Variants in HAP1 observed in about 807,000 individuals in gnomAD.
The protein encoded by HAP1 is huntingtin associated protein 1.
HAP1 carries 59 observed loss-of-function variants against 60.3 expected under a neutral mutation model. The ratio of observed to expected loss-of-function variants is 0.98; its 90% CI spans 0.79 to 1.22. The LOEUF (loss-of-function observed/expected upper bound fraction) is 1.22, where lower values mean the gene tolerates loss of function less well. Among genes scored for constraint, HAP1 ranks in the 50% most tolerant of loss-of-function variants. The pLI is 0.00. For missense variants in HAP1, 825 were observed against 785.3 expected (o/e 1.05, Z -0.60); for synonymous variants, 346 against 330.6 (o/e 1.05, Z -0.50).
At position 41,731,522 on chromosome 17, in the gene HAP1, A is replaced by G; in HGVS notation, c.1040T>C (p.Met347Thr). The G allele has an allele frequency of 6.2e-7, 1 of 1,613,100 alleles. No homozygotes were observed. The highest frequency in any genetic ancestry group is 1.1e-5 in the South Asian group (1 of 91,066). The change falls in exon 6 of 11, where the codon ATG becomes ACG. Residue 347 changes from methionine to threonine, a missense_variant. By Grantham distance (81) the Met-to-Thr change is moderately conservative. Coordinates refer to ENST00000347901, the MANE Select transcript of HAP1 (RefSeq NM_177977.3). The stretch of plus-strand genomic sequence containing the variant: ...CTGCTCCACACACTCCAGAATGAGC[A>G]TCTGTTCCTCATCCTCAAGAGTGTC... ...QLDTLEDEEQ[M>T]LILECVEQFS...
intron 2 of HAP1, 71 bp downstream of exon 2, chr17:41,732,648 A>T (rs1555591413): frequency 7.5e-7 from 1 of 1,324,572 alleles, no homozygotes; most frequent in East Asian, 2.3e-5. Flanking sequence ...ATCAGGAAAT[A>T]AACAAGACCC....
chr17:41,724,592 G>T lies in HAP1; in HGVS notation c.*109C>A. Reference sequence around the variant, plus strand: ...TGACACTACGGTTCCCACTGAAGGGGATCAGAGGTGTCTATGCAAATGATA... The same window carrying T: ...TGACACTACGGTTCCCACTGAAGGGTATCAGAGGTGTCTATGCAAATGATA... On this transcript the variant is annotated 3_prime_UTR_variant, in exon 11 of 11. Coordinates refer to ENST00000347901, the MANE Select transcript of HAP1 (RefSeq NM_177977.3). 2.6e-6 allele frequency: 2 copies of T among 767,796 alleles called. No homozygotes were observed. The highest frequency in any genetic ancestry group is 2.2e-6 in the Non-Finnish European group (1 of 458,782). The allele number at this position is 767,796 out of a possible 1,614,324, so 47.6% of individuals were successfully genotyped here.
chr17:41,717,769 C>T (rs1911036938), downstream of HAP1: 1 of 277,636 alleles, frequency 3.6e-6, no homozygotes, highest in African/African-American at 2.2e-5. Context: ...TTGTCTGCCT[C>T]TCGGGCAAAA....
chr17:41,725,955 G>T, intron 9 of HAP1, 58 bp from the exon 10 acceptor site: 2 of 1,301,768 alleles, frequency 1.5e-6, no homozygotes, highest in Non-Finnish European at 2.2e-6. Context: ...TGCAGTCCCT[G>T]GGGCTTGGTC....
At chr17:41,728,741 C>G (rs1911885845) in intron 6 of HAP1, among the ~76,000 whole-genome samples, 1 of 152,124 alleles carries the variant, frequency 6.6e-6, no homozygotes. Flanking sequence ...GAAGCTCACC[C>G]AGGCAAAGAA....
At position 41,728,329 on chromosome 17, in the gene HAP1, C is replaced by T. The variant is rs1555589586; in HGVS notation, c.1072G>A (p.Glu358Lys). Reference sequence around the variant, plus strand: ...AGCTCAGCCATCTGTTGGCTGGCCTCCGCTGGGGAGGGCAGAGGACAGGTC... The same window carrying T: ...AGCTCAGCCATCTGTTGGCTGGCCTTCGCTGGGGAGGGCAGAGGACAGGTC... Reference protein sequence around the residue: ...LILECVEQFSEASQQMAELSE... With the variant: ...LILECVEQFSKASQQMAELSE... The change falls in exon 7 of 11, where the codon GAG becomes AAG. Residue 358 changes from glutamate to lysine, a missense_variant and splice_region_variant. Physicochemically the swap from Glu to Lys is moderately conservative, Grantham distance 56 (BLOSUM62 1). Coordinates refer to ENST00000347901, the MANE Select transcript of HAP1 (RefSeq NM_177977.3). The T allele has an allele frequency of 5.6e-6, 9 of 1,613,286 alleles. No homozygotes were observed. Among genetic ancestry groups the T allele is most frequent in the Non-Finnish European group, 7.6e-6 (9 of 1,179,974 alleles).
intron 6 of HAP1, among the ~76,000 whole-genome samples, chr17:41,729,344 T>G (rs62065874): frequency 1 from 148,203 of 148,310 alleles, 74,048 homozygotes; most frequent in Middle Eastern, 1. Flanking sequence ...GAGGTCAGGA[T>G]TTCAACACCA....
At chr17:41,729,868 CAAAAA>C (rs71155164) in intron 6 of HAP1, among the ~76,000 whole-genome samples, 1 of 59,900 alleles carries the variant, frequency 1.7e-5, no homozygotes, top group African/African-American at 6.7e-5. Context: ...GAGACTCCGT[CAAAAA>C]AAAAAAAAAA....
At chr17:41,729,581 G>C (rs1456062128) in intron 6 of HAP1, among the ~76,000 whole-genome samples, 1 of 90,330 alleles carries the variant, frequency 1.1e-5, no homozygotes, top group Non-Finnish European at 2.4e-5. Context: ...AAAAAAAAAG[G>C]AAATGCGGTC....
At position 41,731,361 on chromosome 17, in the gene HAP1, G is replaced by A; in HGVS notation, c.1069+132C>T. On this transcript the variant is annotated intron_variant, in intron 6 of 10. Coordinates refer to ENST00000347901, the MANE Select transcript of HAP1 (RefSeq NM_177977.3). ...AAGACAAAGGTTCAGAGAGGTCAAG[G>A]AATGTATCCAAGTTCACACAGCTAG... 4 of 744,666 alleles carry A rather than the reference G, an allele frequency of 5.4e-6. No individual in the cohort carries two copies. The South Asian group carries it at 6.1e-5, about 11-fold the overall frequency. 46.1% of individuals were successfully genotyped at this position (744,666 alleles called of 1,614,324 possible). A position where few individuals can be genotyped will look rare whatever the true frequency, so the allele number is the denominator to read the frequency against.
At chr17:41,726,352 T>G (rs1433426719) in intron 9 of HAP1, among the ~76,000 whole-genome samples, 1 of 147,994 alleles carries the variant, frequency 6.8e-6, no homozygotes, top group African/African-American at 2.5e-5. Context: ...AGGCGGAGGT[T>G]GCAGTAAGCC....
Position 41,734,326 on chromosome 17 carries a change from C to T in HAP1, c.309G>A (p.Pro103=). ...VRSMPDNSDA[P]WTRFVFQGPF... Reference sequence around the variant, plus strand: ...GCCCTTGGAATACGAAGCGGGTCCACGGCGCGTCCGAATTGTCGGGCATAG... The same window carrying T: ...GCCCTTGGAATACGAAGCGGGTCCATGGCGCGTCCGAATTGTCGGGCATAG... Residue 103 remains proline, a synonymous_variant, in exon 1 of 11, where the codon CCG becomes CCA. Transcript: ENST00000347901. 1 of 1,608,774 alleles carries T rather than the reference C, an allele frequency of 6.2e-7. No individual in the cohort carries two copies. The highest frequency in any genetic ancestry group is 2.2e-5 in the East Asian group (1 of 44,746).
chr17:41,731,786 C>A, intron 4 of HAP1, 43 bp from the exon 5 acceptor site: 10 of 1,429,252 alleles, frequency 7.0e-6, no homozygotes, highest in Non-Finnish European at 9.8e-6. Context: ...GGGAGTGGGG[C>A]TTCCCAGTTC....
intron 6 of HAP1, among the ~76,000 whole-genome samples, 187 bp downstream of exon 6, chr17:41,731,306 G>A (rs1555590787): frequency 6.6e-6 from 1 of 152,182 alleles, no homozygotes; most frequent in Non-Finnish European, 1.5e-5. Context: ...GGAGAGATCA[G>A]TGGGGCTGAG....
At position 41,731,694 on chromosome 17, in the gene HAP1, C is replaced by T. The variant is rs1912212585; in HGVS notation, c.946G>A (p.Ala316Thr). 1.2e-6 allele frequency: 2 copies of T among 1,614,170 alleles called. No individual in the cohort carries two copies. Among genetic ancestry groups the T allele is most frequent in the East Asian group, 4.5e-5 (2 of 44,886 alleles). Residue 316 changes from alanine (A) to threonine (T), a missense_variant, in exon 5 of 11, where the codon GCC becomes ACC. Ala to Thr is a moderately conservative substitution (Grantham distance 58). Transcript: ENST00000347901. The stretch of plus-strand genomic sequence containing the variant: ...AGCAGCCTCAGCTTCTCCTGCAAGG[C>T]TTCCAGCTGTGGGCAGTGGTGCTGG... Reference protein sequence around the residue: ...LHQHHCPQLEALQEKLRLLEE... With the variant: ...LHQHHCPQLETLQEKLRLLEE...
Position 41,734,472 on chromosome 17 carries a change from T to A in HAP1, c.163A>T (p.Thr55Ser). The change falls in exon 1 of 11, where the codon ACC becomes TCC. Residue 55 changes from threonine to serine, a missense_variant. Thr to Ser is a moderately conservative substitution (Grantham distance 58, BLOSUM62 1). Coordinates refer to ENST00000347901, the MANE Select transcript of HAP1 (RefSeq NM_177977.3). ...GTGQRVGSRA[T>S]SGSQFLSEAR... ...TCCGAGAGGAACTGGGATCCAGAGGTGGCTCGGGATCCTACTCTCTGTCCA... is the reference window on the plus strand; with the variant it reads ...TCCGAGAGGAACTGGGATCCAGAGGAGGCTCGGGATCCTACTCTCTGTCCA... The A allele has an allele frequency of 2.5e-6, 4 of 1,611,392 alleles. No individual in the cohort carries two copies. The highest frequency in any genetic ancestry group is 3.4e-6 in the Non-Finnish European group (4 of 1,179,016).
At chr17:41,721,744 A>G (rs1911218417), downstream of HAP1, 1 of 148,168 alleles carries the variant, frequency 6.7e-6, no homozygotes, top group African/African-American at 2.5e-5. Flanking sequence ...TTTTTTTTGT[A>G]TTTTTAGTAG....
chr17:41,728,645 T>A (rs1911878449), intron 6 of HAP1, among the ~76,000 whole-genome samples: 1 of 152,110 alleles, frequency 6.6e-6, no homozygotes, highest in African/African-American at 2.4e-5. Flanking sequence ...GGCAGGGGCA[T>A]CACAGCTACA....
intron 6 of HAP1, among the ~76,000 whole-genome samples, chr17:41,731,247 G>A (rs563964885): frequency 6.6e-6 from 1 of 152,258 alleles, no homozygotes; most frequent in African/African-American, 2.4e-5. Context: ...TTTATAGTTT[G>A]CACAAAGTAC....
Sources: gnomAD v4.1 joint callset for allele counts (sites outside exome capture counted in the v4.1 genomes callset) on GRCh38, gnomAD v4.1.1 for gene constraint, MANE v1.5 for transcripts, NCBI Gene and HGNC (gene_info 2026-07-23, HGNC 2026-07-21) for gene names.